Variants in CNOT1 observed in about 807,000 individuals in gnomAD.
The protein encoded by CNOT1 is CCR4-NOT transcription complex subunit 1, also known as CCR4-associated factor 1.
Under a neutral mutation model 273.8 loss-of-function variants are expected in CNOT1, and 15 were observed. That is an observed-to-expected ratio of 0.05 (90% CI 0.04 to 0.08). The LOEUF (loss-of-function observed/expected upper bound fraction) is 0.08. Among genes scored for constraint, CNOT1 ranks in the 10% least tolerant of loss-of-function variants. The probability of loss-of-function intolerance (pLI) is 1.00; values close to 1 mark genes in which losing one functional copy is unlikely to be tolerated. For synonymous variants in CNOT1, 1,022 were observed against 1,005.5 expected (o/e 1.02, Z -0.31); for missense variants, 1,644 against 2,912.2 (o/e 0.56, Z 10.02).
intron 2 of CNOT1, among the ~76,000 whole-genome samples, chr16:58,591,908 T>C (rs2042071907): frequency 6.6e-6 from 1 of 152,100 alleles, no homozygotes; most frequent in Admixed American, 6.6e-5. Flanking sequence ...CCATATAATT[T>C]TCGAAATCTC....
At chr16:58,595,339 T>C (rs1032259799) in intron 2 of CNOT1, among the ~76,000 whole-genome samples, 12 of 151,384 alleles carry the variant, frequency 7.9e-5, no homozygotes, top group Admixed American at 5.9e-4. Flanking sequence ...ACTATTTCTC[T>C]TTGGAGATGA....
intron 24 of CNOT1, 136 bp downstream of exon 24, chr16:58,550,996 C>A: frequency 6.9e-7 from 1 of 1,449,118 alleles, no homozygotes; most frequent in Admixed American, 2.9e-5. Context: ...CTACCAAACC[C>A]ACTAGTTAAA....
rs1003476358 is a variant in CNOT1 at position 58,525,276 on chromosome 16, G to A, written c.6687C>T (p.His2229=). The A allele has an allele frequency of 6.2e-6, 10 of 1,613,904 alleles. No homozygotes were observed. Among genetic ancestry groups the A allele is most frequent in the Middle Eastern group, 1.7e-4 (1 of 5,920 alleles). The change falls in exon 46 of 49, where the codon CAC becomes CAT. Residue 2229 remains histidine, a synonymous_variant. Coordinates refer to ENST00000317147, the MANE Select transcript of CNOT1 (RefSeq NM_016284.5). Reference sequence around the variant, plus strand: ...AAGGTGTGCTGCCCTTGTTGTGGATGTGCGCAATGGCCTGAGTCCCGACAT... The same window carrying A: ...AAGGTGTGCTGCCCTTGTTGTGGATATGCGCAATGGCCTGAGTCCCGACAT... ...VLYVGTQAIA[H]IHNKGSTPSM...
In CNOT1 at chr16:58,578,889, T is replaced by C. The variant is rs772646912; in HGVS notation, c.1394A>G (p.Gln465Arg). ...ESLLRLAEVG[Q>R]YEQVKQLFSF... ...GAAGAGCTGTTTGACTTGCTCATAC[T>C]GCCCAACCTCTGCAAGCCTCAGCAG... The change falls in exon 13 of 49, where the codon CAG becomes CGG. Residue 465 changes from glutamine (Q) to arginine (R), a missense_variant. Gln to Arg is a conservative substitution (Grantham distance 43). Around this residue, in one of 13 missense-constraint regions of CNOT1, gnomAD observed 706 missense variants for 1,021.2 expected, o/e 0.69. Transcript: ENST00000317147. 6.2e-7 allele frequency: 1 copy of C among 1,614,104 alleles called. No homozygotes were observed. The highest frequency in any genetic ancestry group is 8.5e-7 in the Non-Finnish European group (1 of 1,180,050).
intron 24 of CNOT1, among the ~76,000 whole-genome samples, chr16:58,550,150 T>G (rs1450953248): frequency 6.6e-6 from 1 of 152,200 alleles, no homozygotes; most frequent in Non-Finnish European, 1.5e-5. Context: ...TTATAAAACA[T>G]GTAGTACCCC....
Position 58,546,439 on chromosome 16 carries a change from C to A in CNOT1, c.3888G>T (p.Glu1296Asp), listed in dbSNP as rs1413237386. Residue 1296 changes from glutamate (E) to aspartate (D), a missense_variant, in exon 29 of 49, where the codon GAG (glutamate) becomes GAT (aspartate). Around this residue, in one of 13 missense-constraint regions of CNOT1, gnomAD observed 124 missense variants for 289.3 expected, o/e 0.43. Transcript: ENST00000317147. ...LCKNLALDIN[E>D]LKPGNLLKDK... ...CCTTTAGGAGGTTTCCAGGTTTTAG[C>A]TCATTGATGTCTAATGCAAGGTTCT... 6.2e-7 allele frequency: 1 copy of A among 1,613,808 alleles called. No homozygotes were observed. The highest frequency in any genetic ancestry group is 1.7e-5 in the Admixed American group (1 of 59,956).
In CNOT1 at chr16:58,575,043, A is replaced by T. The variant is rs2041411631; in HGVS notation, c.1791T>A (p.Leu597=). The change falls in exon 15 of 49, where the codon CTT becomes CTA. Residue 597 remains leucine (L), a synonymous_variant. Coordinates refer to ENST00000317147, the MANE Select transcript of CNOT1 (RefSeq NM_016284.5). ...GAATTTTATCTGTGAGCCACTTATC[A>T]AGTTTGAGGTATTCACGACGTGAAG... ...ALASRREYLK[L]DKWLTDKIRE... is the part of the protein sequence containing the mutation. 6.2e-7 allele frequency: 1 copy of T among 1,614,152 alleles called. No individual in the cohort carries two copies.
In CNOT1 at chr16:58,549,709, C is replaced by CA; in HGVS notation, c.3522+9dup. 1.3e-6 allele frequency: 2 copies of CA among 1,580,932 alleles called. No individual in the cohort carries two copies. The highest frequency in any genetic ancestry group is 1.7e-6 in the Non-Finnish European group (2 of 1,168,754). On this transcript the variant is annotated intron_variant, in intron 25 of 48. Coordinates refer to ENST00000317147, the MANE Select transcript of CNOT1 (RefSeq NM_016284.5). The stretch of plus-strand genomic sequence containing the variant: ...CAATAATTAAAGGAAATATAAGAAC[C>CA]AACTCTTACTTTAATGTTTCTGTAG...
chr16:58,593,142 G>A (rs918226631), intron 2 of CNOT1, among the ~76,000 whole-genome samples: 1 of 152,182 alleles, frequency 6.6e-6, no homozygotes, highest in East Asian at 1.9e-4. Flanking sequence ...ACATATTTCG[G>A]CCAGGCGCGG....
intron 14 of CNOT1, among the ~76,000 whole-genome samples, chr16:58,575,981 TTTATCTACCTA>T (rs1363757516): frequency 1.3e-5 from 2 of 152,168 alleles, no homozygotes; most frequent in Non-Finnish European, 2.9e-5. Context: ...TAAAAACACT[TTTATCTACCTA>T]AAGCCACTCT....
chr16:58,558,830 G>C (rs1357518802), intron 17 of CNOT1, among the ~76,000 whole-genome samples, 156 bp from the exon 18 acceptor site: 1 of 152,198 alleles, frequency 6.6e-6, no homozygotes, highest in African/African-American at 2.4e-5. Flanking sequence ...ATCAAGTCAA[G>C]TGTGTCAGTC....
Position 58,585,421 on chromosome 16 carries a change from A to C in CNOT1, c.723T>G (p.Pro241=), listed in dbSNP as rs755747597. The change falls in exon 8 of 49, where the codon CCT becomes CCG. Residue 241 remains proline (P), a synonymous_variant. Coordinates refer to ENST00000317147, the MANE Select transcript of CNOT1 (RefSeq NM_016284.5). The stretch of plus-strand genomic sequence containing the variant: ...TGGTTTTAGCTACCCCTCCGGAATC[A>C]GGCAGGATCCTGTCCATTAGAATGT... The part of the protein sequence containing the change: ...KRDILMDRIL[P]DSGGVAKTMM... The C allele has an allele frequency of 7.4e-6, 12 of 1,613,626 alleles. No homozygotes were observed. Among genetic ancestry groups the C allele is most frequent in the Non-Finnish European group, 1.0e-5 (12 of 1,179,934 alleles).
At chr16:58,575,724 G>A (rs139042078) in intron 14 of CNOT1, among the ~76,000 whole-genome samples, 1,968 of 152,170 alleles carry the variant, frequency 0.013, 45 homozygotes, top group African/African-American at 0.046. Flanking sequence ...ACTTGAACCC[G>A]GGAGGCAGAG....
chr16:58,536,695 A>C (rs1047517224), intron 39 of CNOT1, among the ~76,000 whole-genome samples: 1 of 152,170 alleles, frequency 6.6e-6, no homozygotes, highest in African/African-American at 2.4e-5. Flanking sequence ...CAGTGCTAGT[A>C]AAAATACATT....
chr16:58,534,413 A>G lies in CNOT1; in HGVS notation c.5647-18T>C. On this transcript the variant is annotated intron_variant, in intron 39 of 48. Transcript: ENST00000317147. ...TGGTGCATCTACAACAGGAACAAAA[A>G]ATAAAGACACAATGAGGTAACACAC... The G allele has an allele frequency of 6.2e-7, 1 of 1,610,428 alleles. No individual in the cohort carries two copies. Among genetic ancestry groups the G allele is most frequent in the South Asian group, 1.1e-5 (1 of 90,872 alleles).
intron 2 of CNOT1, among the ~76,000 whole-genome samples, chr16:58,596,657 G>A (rs1266441593): frequency 6.6e-6 from 1 of 151,832 alleles, no homozygotes; most frequent in Non-Finnish European, 1.5e-5. Flanking sequence ...GGAGGCCAAG[G>A]CGGGCGGATC....
chr16:58,573,406 C>T (rs1453034320), intron 16 of CNOT1, among the ~76,000 whole-genome samples: 10 of 151,442 alleles, frequency 6.6e-5, no homozygotes, highest in Non-Finnish European at 7.4e-5. Flanking sequence ...GTTATTAAGA[C>T]AGCAGTACTC....
rs748870217 is a variant in CNOT1, at chr16:58,558,567, G to T, written c.2238C>A (p.Thr746=). Residue 746 remains threonine, a synonymous_variant, in exon 18 of 49, where the codon ACC becomes ACA. Transcript: ENST00000317147. ...GAAATGCTTTTGCTGGTGACTGAGGGGTACTGAATGCAGAACCCAAATTTG... is the reference window on the plus strand; with the variant it reads ...GAAATGCTTTTGCTGGTGACTGAGGTGTACTGAATGCAGAACCCAAATTTG... ...FPPNLGSAFS[T]PQSPAKAFPP... 6.2e-7 allele frequency: 1 copy of T among 1,613,472 alleles called. No individual in the cohort carries two copies.
At chr16:58,527,091 CCTCT>C (rs1250592100) in intron 44 of CNOT1, among the ~76,000 whole-genome samples, 3 of 152,070 alleles carry the variant, frequency 2.0e-5, no homozygotes, top group Non-Finnish European at 2.9e-5. Context: ...TTTAAGTGGT[CCTCT>C]CTCTCCTTTA....
Sources: gnomAD v4.1 joint callset for allele counts (sites outside exome capture counted in the v4.1 genomes callset) on GRCh38, gnomAD v4.1.1 for gene constraint, gnomAD v4.1.1 regional missense constraint, MANE v1.5 for transcripts, NCBI Gene and HGNC (gene_info 2026-07-23, HGNC 2026-07-21) for gene names.